Variants in MATCAP2 observed in about 807,000 individuals in gnomAD.
MATCAP2 encodes the protein putative tyrosine carboxypeptidase MATCAP2.
At chr7:36,390,017 G>A in the MATCAP2 span, 1 of 1,614,042 alleles carries the variant, frequency 6.2e-7, no homozygotes, top group Non-Finnish European at 8.5e-7. Context: ...GTAGTCCGAC[G>A]CCTGGGGCGA....
the MATCAP2 span, chr7:36,334,147 G>A: frequency 2.5e-6 from 4 of 1,610,836 alleles, no homozygotes; most frequent in South Asian, 1.1e-5. Flanking sequence ...TTAATACCTC[G>A]AAAATAATGT....
At chr7:36,325,294 G>A in the MATCAP2 span, 4 of 152,294 alleles carry the variant, frequency 2.6e-5, 1 homozygote, top group African/African-American at 9.6e-5. Flanking sequence ...AAAGTGTCTG[G>A]CCCTTTACTG....
chr7:36,366,682 A>C, the MATCAP2 span: 1 of 1,533,912 alleles, frequency 6.5e-7, no homozygotes, highest in Middle Eastern at 1.7e-4. Context: ...CTTTTCCACG[A>C]GATTCCACAG....
At chr7:36,366,591 C>A in the MATCAP2 span, 1 of 1,256,152 alleles carries the variant, frequency 8.0e-7, no homozygotes, top group Non-Finnish European at 1.1e-6. Flanking sequence ...CTTAATCACA[C>A]ACCTAGCGTG....
the MATCAP2 span, among the ~76,000 whole-genome samples, chr7:36,348,939 A>G: frequency 6.6e-6 from 1 of 152,246 alleles, no homozygotes; most frequent in Non-Finnish European, 1.5e-5. Flanking sequence ...ACTGCGCTCA[A>G]TTCTGGGAAT....
chr7:36,346,522 A>G, the MATCAP2 span, among the ~76,000 whole-genome samples: 1 of 152,266 alleles, frequency 6.6e-6, no homozygotes, highest in Non-Finnish European at 1.5e-5. Flanking sequence ...GAAGCCAGTC[A>G]CAAAGGACCA....
the MATCAP2 span, among the ~76,000 whole-genome samples, chr7:36,378,625 C>T: frequency 2.6e-5 from 4 of 152,210 alleles, no homozygotes; most frequent in Non-Finnish European, 5.9e-5. Context: ...CCACTGCTCT[C>T]TTCAGAGCTG....
At chr7:36,367,376 C>CCGGA in the MATCAP2 span, 2 of 983,894 alleles carry the variant, frequency 2.0e-6, no homozygotes, top group Non-Finnish European at 2.4e-6. Context: ...CGGGCCAGTG[C>CCGGA]CTCCGGGGCT....
At chr7:36,367,396 G>T in the MATCAP2 span, 29 of 953,262 alleles carry the variant, frequency 3.0e-5, no homozygotes, top group Non-Finnish European at 3.5e-5. Context: ...TTGTGGCTGT[G>T]CCCGCGAGCG....
At chr7:36,329,573 T>C in the MATCAP2 span, among the ~76,000 whole-genome samples, 1 of 152,192 alleles carries the variant, frequency 6.6e-6, no homozygotes, top group Non-Finnish European at 1.5e-5. Context: ...TGGAGACATG[T>C]TTAAGACACA....
chr7:36,325,069 A>G, the MATCAP2 span: 4 of 152,250 alleles, frequency 2.6e-5, no homozygotes, highest in Admixed American at 6.5e-5. Context: ...ATCACTTTTG[A>G]TAAGTTTTTA....
At chr7:36,331,070 C>A in the MATCAP2 span, 5 of 1,607,274 alleles carry the variant, frequency 3.1e-6, no homozygotes, top group Non-Finnish European at 3.4e-6. Flanking sequence ...CTGGTCTTTA[C>A]TAAAACACCC....
the MATCAP2 span, among the ~76,000 whole-genome samples, chr7:36,343,980 A>C: frequency 6.6e-6 from 1 of 152,182 alleles, no homozygotes; most frequent in African/African-American, 2.4e-5. Context: ...CGGTTCAGGG[A>C]AAGAGAGTGA....
chr7:36,357,153 C>T, the MATCAP2 span: 3 of 1,614,142 alleles, frequency 1.9e-6, no homozygotes, highest in Admixed American at 1.7e-5. Flanking sequence ...CACCACTTGA[C>T]CTTGCTTTTG....
chr7:36,335,394 G>C, the MATCAP2 span, among the ~76,000 whole-genome samples: 2 of 152,168 alleles, frequency 1.3e-5, no homozygotes, highest in Non-Finnish European at 2.9e-5. Context: ...ATGAGTTTAA[G>C]GGAAAGTAGA....
At chr7:36,334,188 A>C in the MATCAP2 span, 2 of 1,525,508 alleles carry the variant, frequency 1.3e-6, no homozygotes, top group Admixed American at 3.9e-5. Context: ...TTACATGAAG[A>C]AAAAGAAATG....
the MATCAP2 span, among the ~76,000 whole-genome samples, chr7:36,381,670 CAA>C: frequency 3.0e-4 from 23 of 76,316 alleles, no homozygotes; most frequent in Admixed American, 3.7e-4. Flanking sequence ...GACTCCATCT[CAA>C]AAAAAAAAAA....
the MATCAP2 span, among the ~76,000 whole-genome samples, chr7:36,329,069 T>G: frequency 1.1e-4 from 17 of 152,016 alleles, 1 homozygote; most frequent in Non-Finnish European, 2.9e-5. Context: ...TAAATAAAAT[T>G]AAAGAACTCA....
the MATCAP2 span, among the ~76,000 whole-genome samples, chr7:36,340,302 T>C: frequency 6.6e-6 from 1 of 152,224 alleles, no homozygotes; most frequent in South Asian, 2.1e-4. Flanking sequence ...TCTAGAGAAT[T>C]ATGAAAAACT....
Sources: gnomAD v4.1 joint callset for allele counts (sites outside exome capture counted in the v4.1 genomes callset) on GRCh38, gnomAD v4.1.1 for gene constraint, MANE v1.5 for transcripts, NCBI Gene and HGNC (gene_info 2026-07-23, HGNC 2026-07-21) for gene names.